The following ERBB4 variants were observed in gnomAD, a reference collection of about 807,000 sequenced individuals.
ERBB4 encodes receptor tyrosine-protein kinase erbB-4.
ERBB4 carries 42 observed loss-of-function variants against 158.0 expected under a neutral mutation model. The ratio of observed to expected loss-of-function variants is 0.27; its 90% CI spans 0.21 to 0.34. ERBB4 has a LOEUF of 0.34. ERBB4 is among the 10% of genes least tolerant of loss of function. The pLI is 1.00. For missense variants in ERBB4, 1,333 were observed against 1,624.1 expected, an observed-to-expected ratio of 0.82 and a Z score of 3.08; for synonymous variants, 583 against 558.7, an observed-to-expected ratio of 1.04 and a Z score of -0.61.
rs1351829966 is a variant in ERBB4, at chr2:211,580,798, ATATATATATATATAATATATATATAT to A, written c.2302-18736_2302-18711del. The stretch of plus-strand genomic sequence containing the variant: ...GATAAAGAAATTGTGATATATATAT[ATATATATATATATAATATATATATAT>A]TATATATATAGATTATATATTATAT... On this transcript the variant is annotated intron_variant, in intron 19 of 27. Coordinates refer to ENST00000342788, the MANE Select transcript of ERBB4 (RefSeq NM_005235.3). Among the ~76,000 whole-genome samples the A allele has an allele frequency of 8.2e-3, 519 of 63,558 alleles. 51 individuals are homozygous for A. The highest frequency in any genetic ancestry group is 0.071 in the African/African-American group (497 of 7,002). 41.7% of individuals were successfully genotyped at this position (63,558 alleles called of 152,430 possible).
At chr2:211,607,113 C>T (rs2069011795) in intron 19 of ERBB4, among the ~76,000 whole-genome samples, 1 of 151,844 alleles carries the variant, frequency 6.6e-6, no homozygotes, top group Admixed American at 6.6e-5. Context: ...TCAAGTGGGC[C>T]CTTAGATCTT....
chr2:211,708,612 T>TCTC (rs2073544525), intron 9 of ERBB4, among the ~76,000 whole-genome samples: 1 of 116,576 alleles, frequency 8.6e-6, no homozygotes, highest in South Asian at 2.7e-4. Flanking sequence ...GTTTCCATCC[T>TCTC]TCTCTCTCTC....
At chr2:212,081,365 G>A (rs1419373242) in intron 2 of ERBB4, among the ~76,000 whole-genome samples, 2 of 152,068 alleles carry the variant, frequency 1.3e-5, no homozygotes, top group African/African-American at 2.4e-5. Context: ...AAAGGAGACA[G>A]TATAAACCTG....
Position 211,377,650 on chromosome 2 carries a change from T to G in ERBB4, c.*5965A>C. On this transcript the variant is annotated 3_prime_UTR_variant, in exon 28 of 28. Coordinates refer to ENST00000342788, the MANE Select transcript of ERBB4 (RefSeq NM_005235.3). Reference sequence around the variant, plus strand: ...GACTCCTCATTTGGGAGAAAAAAATTTACAGCAGCTACAAAATATTTACGA... The same window carrying G: ...GACTCCTCATTTGGGAGAAAAAAATGTACAGCAGCTACAAAATATTTACGA... 4.3e-6 allele frequency: 1 copy of G among 232,306 alleles called. No homozygotes were observed. The highest frequency in any genetic ancestry group is 6.1e-5 in the East Asian group (1 of 16,444). The allele number at this position is 232,306 out of a possible 1,614,324, so 14.4% of individuals were successfully genotyped here. A position where few individuals can be genotyped will look rare whatever the true frequency, so the allele number is the denominator to read the frequency against.
At chr2:212,075,146 A>T (rs1436367575) in intron 2 of ERBB4, among the ~76,000 whole-genome samples, 5 of 152,102 alleles carry the variant, frequency 3.3e-5, no homozygotes, top group Admixed American at 1.3e-4. Flanking sequence ...GCACTTAAAA[A>T]ATATAAAAGT....
At chr2:212,100,617 A>T (rs1340588297) in intron 2 of ERBB4, among the ~76,000 whole-genome samples, 1 of 152,162 alleles carries the variant, frequency 6.6e-6, no homozygotes, top group Non-Finnish European at 1.5e-5. Flanking sequence ...TACAAAAATA[A>T]ATAAGTCAAA....
chr2:211,710,640 CCCACGTGTTGT>C (rs1256032484), intron 9 of ERBB4, among the ~76,000 whole-genome samples: 1 of 152,072 alleles, frequency 6.6e-6, no homozygotes, highest in Non-Finnish European at 1.5e-5. Flanking sequence ...TCCTACAATT[CCCACGTGTTGT>C]GGGAGGGACC....
At chr2:211,513,489 C>T (rs1369190464) in intron 20 of ERBB4, among the ~76,000 whole-genome samples, 1 of 151,758 alleles carries the variant, frequency 6.6e-6, no homozygotes, top group African/African-American at 2.4e-5. Context: ...TCTTTCCCCT[C>T]TCTCTATGAA....
intron 2 of ERBB4, among the ~76,000 whole-genome samples, chr2:212,113,862 G>A (rs1172199474): frequency 2.0e-5 from 3 of 152,068 alleles, no homozygotes; most frequent in Non-Finnish European, 4.4e-5. Context: ...AAGATGAAAG[G>A]TACTACAGAT....
At chr2:211,896,770 A>T (rs957310122) in intron 3 of ERBB4, among the ~76,000 whole-genome samples, 29 of 152,132 alleles carry the variant, frequency 1.9e-4, no homozygotes, top group African/African-American at 7.0e-4. Flanking sequence ...AACATGCCAC[A>T]TTAGGTCAAA....
chr2:211,583,999 T>A (rs1435514972), intron 19 of ERBB4, among the ~76,000 whole-genome samples: 1 of 148,692 alleles, frequency 6.7e-6, no homozygotes, highest in Non-Finnish European at 1.5e-5. Context: ...TTAAAAAGAA[T>A]GTATTATGAC....
At chr2:211,386,763 C>G (rs2062692705) in intron 27 of ERBB4, 90 bp downstream of exon 27, 1 of 1,302,238 alleles carries the variant, frequency 7.7e-7, no homozygotes, top group Non-Finnish European at 1.1e-6. Flanking sequence ...TTGTGCTGGT[C>G]AGCTATCTGG....
chr2:212,310,704 A>G (rs1047053338), intron 1 of ERBB4, among the ~76,000 whole-genome samples: 2 of 150,396 alleles, frequency 1.3e-5, no homozygotes, highest in South Asian at 4.2e-4. Context: ...GAGAAAAATT[A>G]ACTGAAAAAT....
At chr2:211,565,552 A>T (rs530076734) in intron 19 of ERBB4, among the ~76,000 whole-genome samples, 34 of 152,176 alleles carry the variant, frequency 2.2e-4, no homozygotes, top group Non-Finnish European at 4.3e-4. Flanking sequence ...TTTCATCATT[A>T]GTCTTGTCAA....
At chr2:212,231,756 T>A (rs539155017) in intron 1 of ERBB4, among the ~76,000 whole-genome samples, 83 of 152,236 alleles carry the variant, frequency 5.5e-4, no homozygotes, top group Non-Finnish European at 9.4e-4. Flanking sequence ...GTAACACAAC[T>A]AATACCAATA....
At chr2:212,458,205 T>A (rs868088656) in intron 1 of ERBB4, among the ~76,000 whole-genome samples, 3 of 151,400 alleles carry the variant, frequency 2.0e-5, no homozygotes, top group Non-Finnish European at 3.0e-5. Flanking sequence ...CAGGAGAGAA[T>A]GATTACGACA....
chr2:212,495,445 T>A (rs1575026644), intron 1 of ERBB4, among the ~76,000 whole-genome samples: 1 of 152,186 alleles, frequency 6.6e-6, no homozygotes. Context: ...TACTATTTTA[T>A]TTGCCTATTA....
At chr2:211,602,710 C>A (rs577643520) in intron 19 of ERBB4, among the ~76,000 whole-genome samples, 4 of 152,090 alleles carry the variant, frequency 2.6e-5, no homozygotes, top group African/African-American at 4.8e-5. Context: ...GGATTGCATT[C>A]TATCTCCTGA....
intron 1 of ERBB4, among the ~76,000 whole-genome samples, chr2:212,505,380 C>T (rs111730281): frequency 0.046 from 6,990 of 152,172 alleles, 538 homozygotes; most frequent in African/African-American, 0.16. Context: ...TACAGACATG[C>T]GCCATCACAC....
Sources: gnomAD v4.1 joint callset for allele counts (sites outside exome capture counted in the v4.1 genomes callset) on GRCh38, gnomAD v4.1.1 for gene constraint, MANE v1.5 for transcripts, NCBI Gene and HGNC (gene_info 2026-07-23, HGNC 2026-07-21) for gene names.